AKAP13: variants seen among roughly 807,000 people sequenced by gnomAD.
AKAP13 encodes A-kinase anchor protein 13.
A neutral mutation model predicts 264.5 loss-of-function variants in AKAP13; 80 were observed. That is an observed-to-expected ratio of 0.30 (90% confidence interval 0.25 to 0.36). AKAP13 has a LOEUF of 0.36. Among genes scored for constraint, AKAP13 ranks in the 10% least tolerant of loss-of-function variants. The pLI is 1.00. For synonymous variants in AKAP13, 1,380 were observed against 1,250.2 expected (o/e 1.10, Z -2.19); for missense variants, 3,712 against 3,435.2 (o/e 1.08, Z -2.01).
rs1375828921 is a variant in AKAP13 at position 85,415,142 on chromosome 15, T to C, written c.-12+34344T>C. 33 of 783,182 alleles carry C rather than the reference T, an allele frequency of 4.2e-5. No homozygotes were observed. The Admixed American group carries it at 7.5e-4, about 18-fold the overall frequency. The allele number at this position is 783,182 out of a possible 1,614,324, so 48.5% of individuals were successfully genotyped here. A position where few individuals can be genotyped will look rare whatever the true frequency, so the allele number is the denominator to read the frequency against. On this transcript the variant is annotated intron_variant, in intron 1 of 36. Transcript: ENST00000394518. ...GCATCCCAGGAGTTTCAGAGGGAAA[T>C]ACCTTTAAAAAAAAATGAGATGTGA...
intron 30 of AKAP13, among the ~76,000 whole-genome samples, chr15:85,730,997 C>CTTTTTTTTTTTTTTT (rs71468134): frequency 1.7e-5 from 1 of 57,380 alleles, no homozygotes; most frequent in Non-Finnish European, 2.9e-5. Flanking sequence ...GTCACTTATG[C>CTTTTTTTTTTTTTTT]TTTTTTTTTT....
chr15:85,380,964 G>A (rs1595985012), intron 1 of AKAP13, among the ~76,000 whole-genome samples, 166 bp downstream of exon 1: 1 of 152,098 alleles, frequency 6.6e-6, no homozygotes, highest in African/African-American at 2.4e-5. Context: ...GTCGCCGGGC[G>A]GCGCCGGGAC....
chr15:85,674,171 A>G (rs2084089179), intron 14 of AKAP13, among the ~76,000 whole-genome samples: 1 of 151,932 alleles, frequency 6.6e-6, no homozygotes, highest in Non-Finnish European at 1.5e-5. Flanking sequence ...ATGAGATTTC[A>G]TTTTCCCCTT....
At position 85,745,292 on chromosome 15, in the gene AKAP13, T is replaced by C. The variant is rs2089336563; in HGVS notation, c.*615T>C. ...ATCCCGGGCACATACCACCCGTGTT[T>C]TGCATGTATTTCTCATTTCATTTTA... On this transcript the variant is annotated 3_prime_UTR_variant, in exon 37 of 37. Coordinates refer to ENST00000394518, the MANE Select transcript of AKAP13 (RefSeq NM_007200.5). 1 of 152,142 alleles carries C rather than the reference T, an allele frequency of 6.6e-6. No homozygotes were observed. Among genetic ancestry groups the C allele is most frequent in the African/African-American group, 2.4e-5 (1 of 41,412 alleles). The allele number at this position is 152,142 out of a possible 1,614,324, so 9.4% of individuals were successfully genotyped here.
chr15:85,501,196 T>C (rs994207647), intron 2 of AKAP13, among the ~76,000 whole-genome samples: 2 of 152,178 alleles, frequency 1.3e-5, no homozygotes, highest in East Asian at 1.9e-4. Context: ...TCCTGTCTTG[T>C]ATGGTTTAGG....
intron 2 of AKAP13, among the ~76,000 whole-genome samples, chr15:85,498,232 TTGAGCGAGATC>T (rs2075942497): frequency 8.4e-6 from 1 of 119,244 alleles, no homozygotes; most frequent in Non-Finnish European, 1.7e-5. Context: ...ATATATCACA[TTGAGCGAGATC>T]ATAGATAAAA....
At chr15:85,557,213 G>A (rs1361688715) in intron 5 of AKAP13, among the ~76,000 whole-genome samples, 1 of 152,002 alleles carries the variant, frequency 6.6e-6, no homozygotes, top group Admixed American at 6.5e-5. Flanking sequence ...TTATTTTTTA[G>A]CCCTCATTTC....
chr15:85,544,305 G>A (rs2077663471), intron 5 of AKAP13, among the ~76,000 whole-genome samples: 1 of 152,126 alleles, frequency 6.6e-6, no homozygotes, highest in African/African-American at 2.4e-5. Context: ...AGTACAAGAG[G>A]AAACAGATTT....
intron 1 of AKAP13, among the ~76,000 whole-genome samples, chr15:85,392,081 C>T (rs1352809463): frequency 6.6e-6 from 1 of 151,764 alleles, no homozygotes; most frequent in African/African-American, 2.4e-5. Context: ...CCATGCCCGG[C>T]TCTATTCTTA....
chr15:85,438,370 A>G (rs1326274504), intron 1 of AKAP13, among the ~76,000 whole-genome samples: 1 of 151,300 alleles, frequency 6.6e-6, no homozygotes, highest in East Asian at 1.9e-4. Flanking sequence ...AAGAATCAAT[A>G]TCGTGAAAAT....
intron 33 of AKAP13, 152 bp downstream of exon 33, chr15:85,736,286 G>A: frequency 1.5e-6 from 1 of 651,282 alleles, no homozygotes; most frequent in South Asian, 2.1e-5. Flanking sequence ...ACAGTTGTCA[G>A]TTTCCTTGGC....
At chr15:85,557,749 A>G (rs988773218) in intron 5 of AKAP13, among the ~76,000 whole-genome samples, 1 of 152,224 alleles carries the variant, frequency 6.6e-6, no homozygotes, top group Admixed American at 6.5e-5. Flanking sequence ...ATGCTGGATT[A>G]CAGGCATGAG....
At chr15:85,738,567 G>A (rs1354819572) in intron 33 of AKAP13, among the ~76,000 whole-genome samples, 5 of 152,078 alleles carry the variant, frequency 3.3e-5, no homozygotes, top group Middle Eastern at 3.4e-3. Context: ...AATAGCTACC[G>A]TTAAATGTTT....
intron 5 of AKAP13, among the ~76,000 whole-genome samples, chr15:85,570,095 A>AT (rs1489007066): frequency 6.7e-6 from 1 of 149,136 alleles, no homozygotes; most frequent in African/African-American, 2.5e-5. Context: ...AAAAAAAAAA[A>AT]CCACTGGATT....
intron 35 of AKAP13, among the ~76,000 whole-genome samples, chr15:85,742,581 T>C (rs1048087263): frequency 3.3e-5 from 5 of 152,238 alleles, no homozygotes; most frequent in Non-Finnish European, 7.3e-5. Context: ...CTGATTTGCC[T>C]CTCTACTGCT....
chr15:85,453,926 T>C (rs1467786194), intron 1 of AKAP13, among the ~76,000 whole-genome samples: 2 of 152,206 alleles, frequency 1.3e-5, no homozygotes, highest in Non-Finnish European at 2.9e-5. Flanking sequence ...AGCTGTGCTG[T>C]GCTGTGCTGG....
intron 30 of AKAP13, among the ~76,000 whole-genome samples, chr15:85,734,410 C>G (rs1348482831): frequency 6.6e-6 from 1 of 152,116 alleles, no homozygotes; most frequent in Non-Finnish European, 1.5e-5. Flanking sequence ...CTTGTCTTAT[C>G]AGATTTCCTG....
At chr15:85,422,976 T>C (rs2072592254) in intron 1 of AKAP13, among the ~76,000 whole-genome samples, 1 of 152,248 alleles carries the variant, frequency 6.6e-6, no homozygotes, top group Admixed American at 6.5e-5. Flanking sequence ...CCGGTGCATA[T>C]GTTTTGTTTA....
intron 2 of AKAP13, among the ~76,000 whole-genome samples, chr15:85,512,186 G>T (rs1417516405): frequency 6.6e-6 from 1 of 152,122 alleles, no homozygotes; most frequent in Non-Finnish European, 1.5e-5. Flanking sequence ...GGCCTTGTGT[G>T]AAGTTTCAAA....
Sources: allele counts gnomAD v4.1 joint callset (sites outside exome capture counted in the v4.1 genomes callset), GRCh38; gene constraint gnomAD v4.1.1; transcripts MANE v1.5; gene names NCBI Gene and HGNC (gene_info 2026-07-23, HGNC 2026-07-21).